The following VPS4B variants were observed in gnomAD, a reference collection of about 807,000 sequenced individuals.
VPS4B encodes the protein vacuolar protein sorting 4 homolog B.
In VPS4B, 23 loss-of-function variants were observed where a neutral mutation model predicts 56.1. The observed-to-expected ratio is 0.41, with a 90% CI of 0.30 to 0.58. The LOEUF (loss-of-function observed/expected upper bound fraction) is 0.58. VPS4B is among the 20% of genes least tolerant of loss of function. The pLI is 0.29. For synonymous variants in VPS4B, 177 were observed against 186.0 expected (o/e 0.95, Z 0.39); for missense variants, 372 against 531.9 (o/e 0.70, Z 2.96).
intron 5 of VPS4B, among the ~76,000 whole-genome samples, chr18:63,402,139 AT>A (rs1356561177): frequency 1.3e-5 from 2 of 152,184 alleles, no homozygotes; most frequent in Non-Finnish European, 2.9e-5. Context: ...CTTGAATTTC[AT>A]TTTCCTATTT....
At chr18:63,418,082 T>A (rs1355185337) in intron 1 of VPS4B, among the ~76,000 whole-genome samples, 1 of 152,160 alleles carries the variant, frequency 6.6e-6, no homozygotes, top group African/African-American at 2.4e-5. Flanking sequence ...CTCTCCAACC[T>A]TTCCTTTTTT....
chr18:63,393,508 A>G lies in VPS4B; in HGVS notation c.1134T>C (p.Asp378=). Residue 378 remains aspartate (D), a synonymous_variant, in exon 10 of 11, where the codon GAT becomes GAC. Coordinates refer to ENST00000238497, the MANE Select transcript of VPS4B (RefSeq NM_004869.4). The part of the protein sequence containing the change: ...PSRADPNHLV[D]DLLTPCSPGD... The stretch of plus-strand genomic sequence containing the variant: ...CTGGAGAGCAAGGTGTTAGCAGATC[A>G]TCTACAAGATGGTTAGGATCAGCTC... 1.2e-6 allele frequency: 2 copies of G among 1,611,260 alleles called. No homozygotes were observed. The highest frequency in any genetic ancestry group is 1.7e-6 in the Non-Finnish European group (2 of 1,178,778).
intron 9 of VPS4B, chr18:63,396,650 A>G: frequency 4.6e-6 from 1 of 218,798 alleles, no homozygotes; most frequent in Admixed American, 5.3e-5. Flanking sequence ...TACAACACTG[A>G]AATCCTCCCA....
chr18:63,391,387 C>T (rs1399327377), intron 10 of VPS4B, among the ~76,000 whole-genome samples: 1 of 152,090 alleles, frequency 6.6e-6, no homozygotes, highest in Non-Finnish European at 1.5e-5. Context: ...TGAAACCACA[C>T]CTGGCTAATT....
chr18:63,414,811 C>A (rs1466021370), intron 1 of VPS4B, among the ~76,000 whole-genome samples: 11 of 152,252 alleles, frequency 7.2e-5, no homozygotes, highest in African/African-American at 2.7e-4. Context: ...CTCACCTCTT[C>A]AGCCACTTGT....
intron 10 of VPS4B, among the ~76,000 whole-genome samples, chr18:63,391,908 C>G (rs968681474): frequency 1.3e-5 from 2 of 151,984 alleles, no homozygotes; most frequent in East Asian, 3.9e-4. Flanking sequence ...AACTTCTAAG[C>G]CTAGACTCCT....
rs539984266 is a variant in VPS4B, at chr18:63,420,229, T to C, written c.27+2004A>G. On this transcript the variant is annotated intron_variant, in intron 1 of 10. Transcript: ENST00000238497. Reference sequence around the variant, plus strand: ...TGGGAGGCTAAGGCGGGCGGATCACTTGAGGTCAGGAGTTCAAGACCAGCG... The same window carrying C: ...TGGGAGGCTAAGGCGGGCGGATCACCTGAGGTCAGGAGTTCAAGACCAGCG... Among the ~76,000 whole-genome samples the C allele has an allele frequency of 2.2e-4, 33 of 151,848 alleles. 1 individual carries two copies. Among genetic ancestry groups the C allele is most frequent in the Non-Finnish European group, 2.4e-4 (16 of 67,928 alleles).
intron 7 of VPS4B, 72 bp from the exon 8 acceptor site, chr18:63,399,395 G>T (rs994555982): frequency 1.5e-6 from 2 of 1,325,554 alleles, no homozygotes; most frequent in African/African-American, 2.9e-5. Context: ...CATATATTCT[G>T]TTAAGAAATG....
At chr18:63,407,001 G>C (rs1464932535) in intron 4 of VPS4B, among the ~76,000 whole-genome samples, 1 of 152,176 alleles carries the variant, frequency 6.6e-6, no homozygotes, top group Non-Finnish European at 1.5e-5. Flanking sequence ...CAGATGAAGA[G>C]CAGTTAAGAA....
intron 2 of VPS4B, among the ~76,000 whole-genome samples, 161 bp from the exon 3 acceptor site, chr18:63,410,607 T>C (rs1916019326): frequency 6.6e-6 from 1 of 152,242 alleles, no homozygotes. Flanking sequence ...ACCTCTTTTC[T>C]ACCCCTTCCT....
intron 1 of VPS4B, among the ~76,000 whole-genome samples, chr18:63,418,647 G>T (rs535312271): frequency 6.6e-6 from 1 of 152,246 alleles, no homozygotes; most frequent in South Asian, 2.1e-4. Flanking sequence ...GCGATCTGCT[G>T]CCTCGGCCTC....
At position 63,397,189 on chromosome 18, in the gene VPS4B, G is replaced by A; in HGVS notation, c.937C>T (p.His313Tyr). The change falls in exon 9 of 11, where the codon CAC (histidine) becomes TAC (tyrosine). Residue 313 changes from histidine to tyrosine, a missense_variant. By Grantham distance (83) the His-to-Tyr change is moderately conservative. This residue lies in a region of VPS4B where 153 missense variants were observed against 190.9 expected (regional missense o/e 0.80). Coordinates refer to ENST00000238497, the MANE Select transcript of VPS4B (RefSeq NM_004869.4). Reference protein sequence around the residue: ...PHARAAMFKLHLGTTQNSLTE... With the variant: ...PHARAAMFKLYLGTTQNSLTE... ...AGACTGTTCTGAGTGGTCCCTAGGT[G>A]CAGTTTAAACATTGCTGCTCGGGCA... The A allele has an allele frequency of 6.2e-7, 1 of 1,614,114 alleles. No individual in the cohort carries two copies. Among genetic ancestry groups the A allele is most frequent in the Non-Finnish European group, 8.5e-7 (1 of 1,180,024 alleles).
rs1915689313 is a variant in VPS4B, at chr18:63,397,129, T to C, written c.997A>G (p.Thr333Ala). Residue 333 changes from threonine to alanine, a missense_variant, in exon 9 of 11, where the codon ACA (threonine) becomes GCA (alanine). Physicochemically the swap from Thr to Ala is moderately conservative, Grantham distance 58. Around this residue, in one of 3 missense-constraint regions of VPS4B, gnomAD observed 153 missense variants for 190.9 expected, o/e 0.80. Coordinates refer to ENST00000238497, the MANE Select transcript of VPS4B (RefSeq NM_004869.4). ...EADFRELGRK[T>A]DGYSGADISI... is the part of the protein sequence containing the mutation. ...ATATCTGCCCCTGAATAACCATCTG[T>C]TTTCCTCCCAAGTTCCCGAAAGTCT... The C allele has an allele frequency of 6.2e-7, 1 of 1,614,186 alleles. No individual in the cohort carries two copies. Among genetic ancestry groups the C allele is most frequent in the East Asian group, 2.2e-5 (1 of 44,888 alleles).
At chr18:63,405,357 T>C (rs866304010) in intron 4 of VPS4B, among the ~76,000 whole-genome samples, 5 of 152,134 alleles carry the variant, frequency 3.3e-5, no homozygotes, top group African/African-American at 1.2e-4. Flanking sequence ...TTAACAAATA[T>C]ACACTTAATA....
rs548050573 is a variant in VPS4B, at chr18:63,406,423, G to A, written c.364+1009C>T. Among the ~76,000 whole-genome samples, 10 of 152,354 alleles carry A rather than the reference G, an allele frequency of 6.6e-5. No homozygotes were observed. In the South Asian group the frequency reaches 1.2e-3, roughly 19 times the overall value. On this transcript the variant is annotated intron_variant, in intron 4 of 10. Transcript: ENST00000238497. ...AGACACTAGTATAGCAAGGCTAAAA[G>A]TTTGGCTCAGGTAAGTATTTTCACT...
At chr18:63,415,687 T>C (rs1916147177) in intron 1 of VPS4B, 1 of 242,264 alleles carries the variant, frequency 4.1e-6, no homozygotes, top group Admixed American at 4.1e-5. Context: ...AGCACTTCAC[T>C]GTCCCCTCCA....
At chr18:63,411,853 C>T (rs1320234199) in intron 1 of VPS4B, among the ~76,000 whole-genome samples, 4 of 152,106 alleles carry the variant, frequency 2.6e-5, no homozygotes, top group African/African-American at 7.2e-5. Flanking sequence ...CAATCGCTAA[C>T]ATTTACATGT....
chr18:63,402,857 G>C (rs146125394), intron 5 of VPS4B, among the ~76,000 whole-genome samples: 1 of 152,112 alleles, frequency 6.6e-6, no homozygotes, highest in East Asian at 1.9e-4. Flanking sequence ...TGCTCTATAC[G>C]ATACGACTGT....
chr18:63,417,798 T>A (rs1245254075), intron 1 of VPS4B, among the ~76,000 whole-genome samples: 1 of 152,194 alleles, frequency 6.6e-6, no homozygotes, highest in Non-Finnish European at 1.5e-5. Context: ...CAAGACTGAA[T>A]GACTGTGTCA....
Sources: allele counts gnomAD v4.1 joint callset (sites outside exome capture counted in the v4.1 genomes callset), GRCh38; gene constraint gnomAD v4.1.1; regional missense constraint gnomAD v4.1.1; transcripts MANE v1.5; gene names NCBI Gene and HGNC (gene_info 2026-07-23, HGNC 2026-07-21).